Variants in TMTC4 observed in about 807,000 individuals in gnomAD.
The protein encoded by TMTC4 is transmembrane O-mannosyltransferase targeting cadherins 4.
TMTC4 carries 65 observed loss-of-function variants against 86.0 expected under a neutral mutation model. The ratio of observed to expected loss-of-function variants is 0.76; its 90% CI spans 0.62 to 0.93. TMTC4 has a LOEUF of 0.93. Among genes scored for constraint, TMTC4 ranks in the 40% least tolerant of loss-of-function variants. The pLI is 0.00. For synonymous variants in TMTC4, 379 were observed against 382.5 expected (o/e 0.99, Z 0.11); for missense variants, 866 against 948.1 (o/e 0.91, Z 1.14).
At chr13:100,629,873 C>T (rs1881089262) in intron 12 of TMTC4, among the ~76,000 whole-genome samples, 1 of 152,084 alleles carries the variant, frequency 6.6e-6, no homozygotes, top group African/African-American at 2.4e-5. Flanking sequence ...GCACAGAAGA[C>T]ACACCACGTG....
Position 100,637,520 on chromosome 13 carries a change from G to A in TMTC4, c.999+18C>T, listed in dbSNP as rs192902219. 1,026 of 1,598,872 alleles carry A rather than the reference G, an allele frequency of 6.4e-4. No individual in the cohort carries two copies. Among genetic ancestry groups the A allele is most frequent in the Non-Finnish European group, 6.0e-4 (699 of 1,169,908 alleles). On this transcript the variant is annotated intron_variant, in intron 9 of 18. Coordinates refer to ENST00000342624, the MANE Select transcript of TMTC4 (RefSeq NM_032813.5). The stretch of plus-strand genomic sequence containing the variant: ...GGGGGAAGAAAAGAGTCCAGGGGGC[G>A]GCAGGCTCAGAACTCACCCTCACCA...
At chr13:100,660,673 T>TTC (rs201979777) in intron 5 of TMTC4, among the ~76,000 whole-genome samples, 5 of 151,080 alleles carry the variant, frequency 3.3e-5, no homozygotes, top group Non-Finnish European at 5.9e-5. Context: ...TTTTTTTTTT[T>TTC]GACAGAGTCT....
intron 6 of TMTC4, among the ~76,000 whole-genome samples, chr13:100,646,538 C>A (rs1201016133): frequency 1.3e-5 from 2 of 152,220 alleles, no homozygotes; most frequent in African/African-American, 4.8e-5. Flanking sequence ...TTTCAAACCA[C>A]AGCCCGTTTC....
intron 10 of TMTC4, among the ~76,000 whole-genome samples, chr13:100,636,098 A>G (rs1376011282): frequency 6.6e-6 from 1 of 152,238 alleles, no homozygotes; most frequent in Admixed American, 6.5e-5. Context: ...TCAAGAAAGA[A>G]CAGTCTCTTT....
intron 10 of TMTC4, 117 bp downstream of exon 10, chr13:100,636,415 G>T (rs373885327): frequency 8.0e-7 from 1 of 1,249,412 alleles, no homozygotes. Flanking sequence ...ATATGCATTT[G>T]AAACAAATGT....
chr13:100,623,479 C>T (rs1291611723), intron 15 of TMTC4, among the ~76,000 whole-genome samples: 3 of 152,154 alleles, frequency 2.0e-5, no homozygotes, highest in Non-Finnish European at 2.9e-5. Flanking sequence ...GTGATCCGCC[C>T]GCCTTGGCCT....
At chr13:100,621,875 C>T (rs1879549028) in intron 15 of TMTC4, among the ~76,000 whole-genome samples, 1 of 152,324 alleles carries the variant, frequency 6.6e-6, no homozygotes, top group Non-Finnish European at 1.5e-5. Flanking sequence ...GTGCTCCCAT[C>T]CTCCACCCCA....
intron 3 of TMTC4, among the ~76,000 whole-genome samples, chr13:100,664,640 G>C (rs757850989): frequency 6.6e-5 from 10 of 152,110 alleles, no homozygotes; most frequent in Non-Finnish European, 1.3e-4. Flanking sequence ...CAACCCAGGG[G>C]CTCTGCACGT....
At chr13:100,649,563 T>A (rs1264096259) in intron 6 of TMTC4, among the ~76,000 whole-genome samples, 1 of 152,188 alleles carries the variant, frequency 6.6e-6, no homozygotes, top group Non-Finnish European at 1.5e-5. Context: ...CAATAAATAG[T>A]TTCATTTATT....
chr13:100,612,690 CACACG>C (rs1366147213), intron 16 of TMTC4, among the ~76,000 whole-genome samples, 180 bp from the exon 17 acceptor site: 2 of 135,606 alleles, frequency 1.5e-5, no homozygotes, highest in African/African-American at 5.2e-5. Flanking sequence ...CACACACACA[CACACG>C]ACGTTATCAG....
chr13:100,666,709 C>T (rs762624577), intron 3 of TMTC4, among the ~76,000 whole-genome samples: 2 of 152,194 alleles, frequency 1.3e-5, no homozygotes, highest in Non-Finnish European at 1.5e-5. Flanking sequence ...GCCACCAATC[C>T]GTGCTGGGCA....
chr13:100,641,199 TA>T lies in TMTC4; in HGVS notation c.741+1011del, dbSNP rs1408532517. ...ACGTGATTACCTGGCACATCTGGCATAAAAAGAGTTCTCTGAGAACAAAGTC... is the reference window on the plus strand; with the variant it reads ...ACGTGATTACCTGGCACATCTGGCATAAAAGAGTTCTCTGAGAACAAAGTC... On this transcript the variant is annotated intron_variant, in intron 7 of 18. Coordinates refer to ENST00000342624, the MANE Select transcript of TMTC4 (RefSeq NM_032813.5). Among the ~76,000 whole-genome samples, 4 of 152,336 alleles carry T rather than the reference TA, an allele frequency of 2.6e-5. No individual in the cohort carries two copies. The East Asian group carries it at 7.7e-4, about 29-fold the overall frequency.
rs2153020232 is a variant in TMTC4, at chr13:100,605,651, C to T, written c.2135-509G>A. ...CCCTAAAATGATAGTTACAGTAAAC[C>T]TAATCATTAGGATGATTAGCCTCTG... On this transcript the variant is annotated intron_variant, in intron 18 of 18. Transcript: ENST00000342624. This position sits in a 1 kb window ranked among gnomAD's most constrained non-coding sequence, Gnocchi z 4.3. 6.6e-6 allele frequency among the ~76,000 whole-genome samples: 1 copy of T among 152,232 alleles called. No individual in the cohort carries two copies. The highest frequency in any genetic ancestry group is 1.9e-4 in the East Asian group (1 of 5,184).
chr13:100,630,981 T>C (rs2138840323), intron 12 of TMTC4, among the ~76,000 whole-genome samples: 1 of 152,352 alleles, frequency 6.6e-6, no homozygotes, highest in Admixed American at 6.5e-5. Flanking sequence ...GAGGGAATTC[T>C]TTGAATAAAA....
chr13:100,662,367 T>C (rs1885888280), intron 5 of TMTC4, among the ~76,000 whole-genome samples: 1 of 151,658 alleles, frequency 6.6e-6, no homozygotes, highest in Non-Finnish European at 1.5e-5. Flanking sequence ...AAGCCCAGAA[T>C]TTAAGTCCTG....
rs750836771 is a variant in TMTC4, at chr13:100,625,594, G to A, written c.1777C>T (p.Arg593Trp). The A allele has an allele frequency of 4.3e-6, 7 of 1,614,050 alleles. No individual in the cohort carries two copies. The highest frequency in any genetic ancestry group is 2.2e-5 in the East Asian group (1 of 44,892). The change falls in exon 15 of 19, where the codon CGG (arginine) becomes TGG (tryptophan). Residue 593 changes from arginine to tryptophan, a missense_variant. Physicochemically the swap from Arg to Trp is moderately radical, Grantham distance 101. Coordinates refer to ENST00000342624, the MANE Select transcript of TMTC4 (RefSeq NM_032813.5). The stretch of plus-strand genomic sequence containing the variant: ...TTCCTTCTGTGTTTAATTGCTGTCC[G>A]GTAACTTTGCTCTGCTGCTTCAAAC... ...KRFEAAEQSYRTAIKHRRKYP... is the reference protein window; with the variant it reads ...KRFEAAEQSYWTAIKHRRKYP...
intron 4 of TMTC4, among the ~76,000 whole-genome samples, chr13:100,663,542 C>A (rs1354763914): frequency 1.3e-5 from 2 of 152,114 alleles, no homozygotes; most frequent in South Asian, 2.1e-4. Context: ...ATGGTTACCC[C>A]CTAGGGACCT....
chr13:100,627,634 T>G (rs1045430334), intron 12 of TMTC4, among the ~76,000 whole-genome samples: 3 of 152,228 alleles, frequency 2.0e-5, no homozygotes, highest in African/African-American at 4.8e-5. Flanking sequence ...TCCTCTTGTA[T>G]GACCTCATCT....
In TMTC4 at chr13:100,612,414, T is replaced by G; in HGVS notation, c.2048A>C (p.Lys683Thr). 1 of 1,608,970 alleles carries G rather than the reference T, an allele frequency of 6.2e-7. No homozygotes were observed. The highest frequency in any genetic ancestry group is 1.3e-5 in the African/African-American group (1 of 74,818). ...TTTACGCACCTTGTATTTCTGGGATTTCCCCAGCACGTTTGCCAACGAGAA... is the reference window on the plus strand; with the variant it reads ...TTTACGCACCTTGTATTTCTGGGATGTCCCCAGCACGTTTGCCAACGAGAA... Reference protein sequence around the residue: ...LMFSLANVLGKSQKYKESEAL... With the variant: ...LMFSLANVLGTSQKYKESEAL... Residue 683 changes from lysine (K) to threonine (T), a missense_variant, in exon 17 of 19, where the codon AAA (lysine) becomes ACA (threonine). Lys to Thr is a moderately conservative substitution (Grantham distance 78). Transcript: ENST00000342624.
Sources: gnomAD v4.1 joint callset for allele counts (sites outside exome capture counted in the v4.1 genomes callset) on GRCh38, gnomAD v4.1.1 for gene constraint, Gnocchi (gnomAD v3.1) non-coding constraint, MANE v1.5 for transcripts, NCBI Gene and HGNC (gene_info 2026-07-23, HGNC 2026-07-21) for gene names.